AKAP12: variants seen among roughly 807,000 people sequenced by gnomAD.
AKAP12 encodes the protein A-kinase anchor protein 12.
Under a neutral mutation model 79.9 loss-of-function variants are expected in AKAP12, and 32 were observed. The ratio of observed to expected loss-of-function variants is 0.40; its 90% CI spans 0.30 to 0.54. The LOEUF (loss-of-function observed/expected upper bound fraction) is 0.54. AKAP12 is among the 20% of genes least tolerant of loss of function. The pLI is 0.48. For missense variants in AKAP12, 2,074 were observed against 2,177.0 expected (o/e 0.95, Z 0.94); for synonymous variants, 808 against 857.0 (o/e 0.94, Z 1.00).
rs562397254 is a variant in AKAP12, at chr6:151,320,500, T to G, written c.319+14597T>G. On this transcript the variant is annotated intron_variant, in intron 3 of 4. Coordinates refer to ENST00000402676, the MANE Select transcript of AKAP12 (RefSeq NM_005100.4). ...TCTCCACATGTGGCTTTGCTGCCAC[T>G]TTCTCCCTCATTGCCCCTAATCCCT... Among the ~76,000 whole-genome samples, 4 of 152,186 alleles carry G rather than the reference T, an allele frequency of 2.6e-5. No homozygotes were observed. In the East Asian group the frequency reaches 7.7e-4, roughly 29 times the overall value.
intron 3 of AKAP12, among the ~76,000 whole-genome samples, chr6:151,322,130 G>A (rs558693706): frequency 2.0e-5 from 3 of 151,764 alleles, no homozygotes; most frequent in South Asian, 2.1e-4. Flanking sequence ...GGCTGGTCTC[G>A]AACTCCTGAT....
chr6:151,259,628 G>A (rs1797380313), intron 2 of AKAP12, among the ~76,000 whole-genome samples: 2 of 142,084 alleles, frequency 1.4e-5, no homozygotes, highest in South Asian at 4.4e-4. Context: ...GCCCAGGCTG[G>A]AGTGCAGTGG....
At chr6:151,304,361 C>T (rs1020690513) in intron 2 of AKAP12, among the ~76,000 whole-genome samples, 2 of 150,852 alleles carry the variant, frequency 1.3e-5, no homozygotes, top group East Asian at 2.0e-4. Context: ...TGGTGGTGCA[C>T]GCCTGTAATC....
At chr6:151,318,724 C>T (rs1199859297) in intron 3 of AKAP12, among the ~76,000 whole-genome samples, 2 of 152,012 alleles carry the variant, frequency 1.3e-5, no homozygotes, top group Non-Finnish European at 2.9e-5. Flanking sequence ...TCACTTGAGC[C>T]CAGGGGTTTG....
intron 2 of AKAP12, among the ~76,000 whole-genome samples, chr6:151,276,525 CTT>C (rs1188500513): frequency 1.3e-5 from 2 of 152,230 alleles, no homozygotes; most frequent in Non-Finnish European, 2.9e-5. Context: ...ATTAGAGTAA[CTT>C]TGCTTAGTCA....
In AKAP12 at chr6:151,240,605, C is replaced by G; in HGVS notation, c.43C>G (p.Pro15Ala). The G allele has an allele frequency of 7.0e-7, 1 of 1,418,466 alleles. No individual in the cohort carries two copies. The highest frequency in any genetic ancestry group is 9.2e-7 in the Non-Finnish European group (1 of 1,090,778). The allele number at this position is 1,418,466 out of a possible 1,614,324, so 87.9% of individuals were successfully genotyped here. Reference sequence around the variant, plus strand: ...CACCGAGCAGCGCAGCCCGGAGCAGCCGCCCGAGGGGAGCTCCACGCCGGC... The same window carrying G: ...CACCGAGCAGCGCAGCCCGGAGCAGGCGCCCGAGGGGAGCTCCACGCCGGC... ...SSTEQRSPEQ[P>A]PEGSSTPAEP... Residue 15 changes from proline (P) to alanine (A), a missense_variant, in exon 2 of 5, where the codon CCG (proline) becomes GCG (alanine). Physicochemically the swap from Pro to Ala is conservative, Grantham distance 27. Around this residue, in one of 3 missense-constraint regions of AKAP12, gnomAD observed 1,428 missense variants for 1,451.0 expected, o/e 0.98. Coordinates refer to ENST00000402676, the MANE Select transcript of AKAP12 (RefSeq NM_005100.4).
At chr6:151,283,348 A>T (rs900949210) in intron 2 of AKAP12, among the ~76,000 whole-genome samples, 1 of 152,202 alleles carries the variant, frequency 6.6e-6, no homozygotes, top group Non-Finnish European at 1.5e-5. Flanking sequence ...GATGACCAAG[A>T]TGCAGAAAAG....
At chr6:151,265,079 A>G (rs1402904072) in intron 2 of AKAP12, among the ~76,000 whole-genome samples, 2 of 151,448 alleles carry the variant, frequency 1.3e-5, no homozygotes, top group African/African-American at 4.9e-5. Context: ...TGAACCCAGG[A>G]GGTGGAGGTT....
intron 3 of AKAP12, among the ~76,000 whole-genome samples, chr6:151,326,489 TAAAA>T (rs746340831): frequency 1.2e-5 from 1 of 80,314 alleles, no homozygotes; most frequent in African/African-American, 4.7e-5. Flanking sequence ...CAACAAATAG[TAAAA>T]AAAAAAAAAA....
chr6:151,249,012 G>A (rs1481296259), intron 2 of AKAP12, among the ~76,000 whole-genome samples: 5 of 151,996 alleles, frequency 3.3e-5, no homozygotes, highest in Non-Finnish European at 7.4e-5. Context: ...GATTGCTAAC[G>A]GAGGCTTTTT....
intron 2 of AKAP12, among the ~76,000 whole-genome samples, chr6:151,249,149 T>C (rs1797130271): frequency 1.3e-5 from 2 of 152,138 alleles, no homozygotes; most frequent in Admixed American, 1.3e-4. Context: ...TCTTCCCTTA[T>C]TTATCATTTT....
intron 2 of AKAP12, among the ~76,000 whole-genome samples, chr6:151,263,408 T>C (rs567031189): frequency 1.3e-5 from 2 of 152,268 alleles, no homozygotes; most frequent in Admixed American, 1.3e-4. Flanking sequence ...GAATTACCAC[T>C]TAACTTCCTG....
At chr6:151,302,950 C>A (rs1441578603) in intron 2 of AKAP12, among the ~76,000 whole-genome samples, 1 of 151,930 alleles carries the variant, frequency 6.6e-6, no homozygotes, top group South Asian at 2.1e-4. Flanking sequence ...AATCCCAGCA[C>A]TTTGGGAGGC....
chr6:151,312,793 C>CAAAAAAAAAAAAAAAAAAAAAAAAAAAA (rs55685824), intron 3 of AKAP12, among the ~76,000 whole-genome samples: 8 of 72,998 alleles, frequency 1.1e-4, no homozygotes, highest in African/African-American at 1.7e-4. Context: ...ACTCTGTCTC[C>CAAAAAAAAAAAAAAAAAAAAAAAAAAAA]AAAAAAAAAA....
At position 151,351,861 on chromosome 6, in the gene AKAP12, C is replaced by T; in HGVS notation, c.3470C>T (p.Ala1157Val). 5 of 1,614,096 alleles carry T rather than the reference C, an allele frequency of 3.1e-6. No individual in the cohort carries two copies. The highest frequency in any genetic ancestry group is 4.2e-6 in the Non-Finnish European group (5 of 1,180,018). Residue 1157 changes from alanine (A) to valine (V), a missense_variant, in exon 4 of 5, where the codon GCT (alanine) becomes GTT (valine). By Grantham distance (64) the Ala-to-Val change is moderately conservative. Around this residue, in one of 3 missense-constraint regions of AKAP12, gnomAD observed 1,428 missense variants for 1,451.0 expected, o/e 0.98. Coordinates refer to ENST00000402676, the MANE Select transcript of AKAP12 (RefSeq NM_005100.4). This position sits in a 1 kb window ranked among gnomAD's most constrained non-coding sequence, Gnocchi z 4.4. ...TCACAGGAGATGGTGATGGAACAGG[C>T]TATCCCCCCTGACTCGGTGGAAACC... The part of the protein sequence containing the change: ...VKSQEMVMEQ[A>V]IPPDSVETPT...
chr6:151,322,277 A>G (rs1227639187), intron 3 of AKAP12, among the ~76,000 whole-genome samples: 1 of 151,904 alleles, frequency 6.6e-6, no homozygotes, highest in Non-Finnish European at 1.5e-5. Flanking sequence ...GCATTTTTCT[A>G]AGGGCTAATA....
At chr6:151,266,053 G>C (rs2114704925) in intron 2 of AKAP12, among the ~76,000 whole-genome samples, 1 of 152,302 alleles carries the variant, frequency 6.6e-6, no homozygotes, top group South Asian at 2.1e-4. Context: ...CAGCAGCTCT[G>C]TCTAAATGTG....
At chr6:151,304,547 A>G (rs911996808) in intron 2 of AKAP12, among the ~76,000 whole-genome samples, 35 of 145,582 alleles carry the variant, frequency 2.4e-4, no homozygotes, top group African/African-American at 7.0e-4. Flanking sequence ...GCATGCCTAC[A>G]TGCCTGCTGA....
At chr6:151,273,955 G>A (rs577274128) in intron 2 of AKAP12, among the ~76,000 whole-genome samples, 1 of 152,216 alleles carries the variant, frequency 6.6e-6, no homozygotes, top group East Asian at 1.9e-4. Flanking sequence ...CATGAACCCA[G>A]GAGGTGGAGG....
Sources: gnomAD v4.1 joint callset for allele counts (sites outside exome capture counted in the v4.1 genomes callset) on GRCh38, gnomAD v4.1.1 for gene constraint, gnomAD v4.1.1 regional missense constraint, Gnocchi (gnomAD v3.1) non-coding constraint, MANE v1.5 for transcripts, NCBI Gene and HGNC (gene_info 2026-07-23, HGNC 2026-07-21) for gene names.